CFAP97: variants seen among roughly 807,000 people sequenced by gnomAD.
The protein encoded by CFAP97 is cilia and flagella associated protein 97, also known as cilia- and flagella-associated protein 97.
Under a neutral mutation model 43.1 loss-of-function variants are expected in CFAP97, and 36 were observed. The ratio of observed to expected loss-of-function variants is 0.84; its 90% confidence interval spans 0.64 to 1.10. CFAP97 has a LOEUF of 1.10. Ranked by LOEUF, CFAP97 falls within the 50% of genes least tolerant of loss-of-function variation. The pLI, the probability that CFAP97 is intolerant of heterozygous loss-of-function variation, is 0.00. For missense variants in CFAP97, 657 were observed against 620.3 expected, an observed-to-expected ratio of 1.06 and a Z score of -0.63; for synonymous variants, 228 against 225.7, an observed-to-expected ratio of 1.01 and a Z score of -0.09.
At chr4:185,180,802 A>C (rs1735750989) in intron 2 of CFAP97, among the ~76,000 whole-genome samples, 1 of 151,928 alleles carries the variant, frequency 6.6e-6, no homozygotes, top group Non-Finnish European at 1.5e-5. Flanking sequence ...TTTTCTCCAA[A>C]AGTTTGTAGC....
At chr4:185,187,608 GA>G (rs1330839591) in intron 2 of CFAP97, among the ~76,000 whole-genome samples, 1 of 151,932 alleles carries the variant, frequency 6.6e-6, no homozygotes, top group African/African-American at 2.4e-5. Flanking sequence ...TCACCAACGG[GA>G]AAAAACCCGG....
chr4:185,193,851 G>A (rs1470029482), intron 1 of CFAP97, among the ~76,000 whole-genome samples: 4 of 151,886 alleles, frequency 2.6e-5, no homozygotes, highest in East Asian at 1.9e-4. Flanking sequence ...TCGCACCACT[G>A]CACTCCAGCC....
chr4:185,167,099 T>C (rs1735100430), intron 3 of CFAP97, among the ~76,000 whole-genome samples: 3 of 152,164 alleles, frequency 2.0e-5, no homozygotes, highest in South Asian at 2.1e-4. Flanking sequence ...ACACCCCTGG[T>C]GTAAGCCCCA....
intron 3 of CFAP97, among the ~76,000 whole-genome samples, chr4:185,171,570 G>T (rs182679304): frequency 1.3e-5 from 2 of 152,062 alleles, no homozygotes; most frequent in Non-Finnish European, 2.9e-5. Flanking sequence ...ACATTTAAAA[G>T]AATGAAATAA....
intron 2 of CFAP97, among the ~76,000 whole-genome samples, chr4:185,179,591 G>A (rs547635683): frequency 1.4e-4 from 21 of 152,288 alleles, no homozygotes; most frequent in African/African-American, 5.1e-4. Context: ...GCCACATGGA[G>A]AACCCCACAT....
At chr4:185,192,708 CCTT>C (rs577871637) in intron 1 of CFAP97, among the ~76,000 whole-genome samples, 1 of 148,676 alleles carries the variant, frequency 6.7e-6, no homozygotes, top group South Asian at 2.1e-4. Flanking sequence ...TGACCTTTGA[CCTT>C]CTTAAGATCA....
chr4:185,186,195 G>C (rs533675138), intron 2 of CFAP97, among the ~76,000 whole-genome samples: 1 of 152,282 alleles, frequency 6.6e-6, no homozygotes, highest in African/African-American at 2.4e-5. Flanking sequence ...CACTTTGAGA[G>C]GCCGAAGCAG....
At chr4:185,190,040 C>A in intron 2 of CFAP97, 103 bp downstream of exon 2, 1 of 839,716 alleles carries the variant, frequency 1.2e-6, no homozygotes, top group Non-Finnish European at 1.7e-6. Flanking sequence ...TCATTCCCAA[C>A]AATAAAAAAT....
intron 1 of CFAP97, among the ~76,000 whole-genome samples, chr4:185,192,733 C>CTTTTTTTTTTTTTTTTTTTTTTTTTTT (rs760026667): frequency 1.4e-4 from 11 of 81,418 alleles, no homozygotes; most frequent in African/African-American, 4.9e-4. Flanking sequence ...AATTGACCTT[C>CTTTTTTTTTTTTTTTTTTTTTTTTTTT]TTTTTTTTTT....
At chr4:185,167,246 C>T (rs891278335) in intron 3 of CFAP97, among the ~76,000 whole-genome samples, 13 of 152,012 alleles carry the variant, frequency 8.6e-5, no homozygotes, top group Non-Finnish European at 1.5e-4. Flanking sequence ...GCAGGAGGAT[C>T]GTGTGAGCCC....
chr4:185,199,588 T>C (rs1022022372), intron 1 of CFAP97, among the ~76,000 whole-genome samples: 1 of 151,842 alleles, frequency 6.6e-6, no homozygotes, highest in Non-Finnish European at 1.5e-5. Context: ...GAGAATCACT[T>C]GAACCCAGGA....
At chr4:185,179,739 T>A (rs1221724855) in intron 2 of CFAP97, among the ~76,000 whole-genome samples, 1 of 152,186 alleles carries the variant, frequency 6.6e-6, no homozygotes, top group Non-Finnish European at 1.5e-5. Context: ...GTTGGGGTAA[T>A]CTGTCATGCA....
At chr4:185,172,177 T>C (rs765675244) in intron 3 of CFAP97, among the ~76,000 whole-genome samples, 10 of 152,230 alleles carry the variant, frequency 6.6e-5, no homozygotes, top group Admixed American at 1.3e-4. Context: ...AAACACTCTA[T>C]TGGATAAAAT....
At chr4:185,204,484 A>G (rs1737099167), upstream of CFAP97, 1 of 152,248 alleles carries the variant, frequency 6.6e-6, no homozygotes, top group African/African-American at 2.4e-5. Flanking sequence ...AGTTAAAACA[A>G]TCTAAGGTAA....
chr4:185,193,902 A>AAATAAATAAATAAATC (rs1414995897), intron 1 of CFAP97, among the ~76,000 whole-genome samples: 1 of 151,938 alleles, frequency 6.6e-6, no homozygotes, highest in Non-Finnish European at 1.5e-5. Flanking sequence ...ATAAATAAAT[A>AAATAAATAAATAAATC]AATAAATAAG....
At chr4:185,193,032 G>A (rs1736371725) in intron 1 of CFAP97, among the ~76,000 whole-genome samples, 9 of 151,830 alleles carry the variant, frequency 5.9e-5, no homozygotes, top group Admixed American at 5.3e-4. Context: ...GAGCCACCGC[G>A]CCCCACCCAG....
chr4:185,168,250 C>A (rs1244042578), intron 3 of CFAP97, among the ~76,000 whole-genome samples: 1 of 151,612 alleles, frequency 6.6e-6, no homozygotes, highest in Non-Finnish European at 1.5e-5. Flanking sequence ...CTTAGAACTG[C>A]CACTCAAATC....
intron 3 of CFAP97, among the ~76,000 whole-genome samples, chr4:185,170,537 C>T (rs999738171): frequency 2.0e-5 from 3 of 151,686 alleles, no homozygotes; most frequent in African/African-American, 7.3e-5. Context: ...GCTGGGATTA[C>T]AGGAGCCCTG....
chr4:185,194,498 G>T lies in CFAP97; in HGVS notation c.-16-3286C>A, dbSNP rs117561597. ...GAGTGAGACTCCATCTCAAAAAAAA[G>T]AAAAGTTTGTAGATCCTTGGTTGAT... On this transcript the variant is annotated intron_variant, in intron 1 of 4. Transcript: ENST00000458385. 3.0e-3 allele frequency among the ~76,000 whole-genome samples: 460 copies of T among 152,178 alleles called. 18 individuals carry two copies. In the South Asian group the frequency reaches 0.063, roughly 21 times the overall value.
Sources: gnomAD v4.1 joint callset for allele counts (sites outside exome capture counted in the v4.1 genomes callset) on GRCh38, gnomAD v4.1.1 for gene constraint, MANE v1.5 for transcripts, NCBI Gene and HGNC (gene_info 2026-07-23, HGNC 2026-07-21) for gene names.